SLC25A43: variants seen among roughly 807,000 people sequenced by gnomAD.
SLC25A43 encodes solute carrier family 25, member 43.
In SLC25A43, 10 loss-of-function variants were observed where a neutral mutation model predicts 22.8. That is an observed-to-expected ratio of 0.44 (90% CI 0.27 to 0.74). SLC25A43 has a LOEUF of 0.74. Among genes scored for constraint, SLC25A43 ranks in the 30% least tolerant of loss-of-function variants. The pLI, the probability that SLC25A43 is intolerant of heterozygous loss-of-function variation, is 0.17. For synonymous variants in SLC25A43, 106 were observed against 121.6 expected, an observed-to-expected ratio of 0.87 and a Z score of 0.84; for missense variants, 233 against 279.1, an observed-to-expected ratio of 0.83 and a Z score of 1.18.
At chrX:119,399,821 G>A in intron 1 of SLC25A43, 143 bp downstream of exon 1, 1 of 631,100 alleles carries the variant, frequency 1.6e-6, no homozygotes, top group South Asian at 6.3e-5. Flanking sequence ...GACCCCTCGG[G>A]GCGGTGGGCC....
chrX:119,415,624 G>T lies in SLC25A43; in HGVS notation c.690+5262G>T, dbSNP rs745681138. On this transcript the variant is annotated intron_variant, in intron 3 of 4. Coordinates refer to ENST00000217909, the MANE Select transcript of SLC25A43 (RefSeq NM_145305.3). ...GCAAGAGAATCACTTGAACTCAGGA[G>T]ATGGAGGTTGCAGTGAGCTGAGATC... 1.9e-3 allele frequency among the ~76,000 whole-genome samples: 203 copies of T among 108,207 alleles called. 1 individual carries two copies. The highest frequency in any genetic ancestry group is 6.6e-3 in the African/African-American group (197 of 29,698). The allele number at this position is 108,207 out of a possible 115,157, so 94.0% of individuals were successfully genotyped here.
At chrX:119,448,247 C>A in intron 3 of SLC25A43, among the ~76,000 whole-genome samples, 1 of 111,692 alleles carries the variant, frequency 9.0e-6, no homozygotes, top group African/African-American at 3.2e-5. Flanking sequence ...CTACCGTCAT[C>A]TCTTGCCTAA....
At chrX:119,406,195 T>C (rs1377220688) in intron 1 of SLC25A43, among the ~76,000 whole-genome samples, 2 of 112,502 alleles carry the variant, frequency 1.8e-5, no homozygotes, top group Non-Finnish European at 3.8e-5. Flanking sequence ...GACAATTATG[T>C]AGATAAAAGT....
At chrX:119,426,640 C>A (rs940047924) in intron 3 of SLC25A43, among the ~76,000 whole-genome samples, 3 of 110,412 alleles carry the variant, frequency 2.7e-5, no homozygotes, top group Non-Finnish European at 3.8e-5. Context: ...CTGGCCAACA[C>A]GACGAAACCC....
chrX:119,435,288 C>T (rs1350586767), intron 3 of SLC25A43, among the ~76,000 whole-genome samples: 14 of 110,353 alleles, frequency 1.3e-4, no homozygotes, highest in Non-Finnish European at 2.6e-4. Flanking sequence ...TGGTCGACTT[C>T]GCATTTGGCA....
rs201807022 is a variant in SLC25A43 at position 119,444,719 on chromosome X, AG to A, written c.691-7289del. ...ACTGTGTCTCAAAAAAAAAAAAAAA[AG>A]AAGAAATTGAAGCTCAGAGAAGTTA... On this transcript the variant is annotated intron_variant, in intron 3 of 4. Coordinates refer to ENST00000217909, the MANE Select transcript of SLC25A43 (RefSeq NM_145305.3). 4.7e-3 allele frequency among the ~76,000 whole-genome samples: 480 copies of A among 102,500 alleles called. 2 individuals carry two copies. The highest frequency in any genetic ancestry group is 7.2e-3 in the Non-Finnish European group (366 of 50,587). The allele number at this position is 102,500 out of a possible 115,157, so 89.0% of individuals were successfully genotyped here.
chrX:119,451,026 G>A (rs1055635911), intron 3 of SLC25A43, among the ~76,000 whole-genome samples: 1 of 110,739 alleles, frequency 9.0e-6, no homozygotes, highest in Non-Finnish European at 1.9e-5. Flanking sequence ...AGCCAGGTGT[G>A]GTGGTGTGCA....
chrX:119,449,230 A>G (rs745352443), intron 3 of SLC25A43, among the ~76,000 whole-genome samples: 2 of 109,151 alleles, frequency 1.8e-5, no homozygotes, highest in South Asian at 8.1e-4. Context: ...CCTGCCCAAC[A>G]CAGGGAAACC....
chrX:119,407,604 A>C (rs1000908746), intron 2 of SLC25A43, among the ~76,000 whole-genome samples: 1 of 111,142 alleles, frequency 9.0e-6, no homozygotes, highest in Non-Finnish European at 1.9e-5. Flanking sequence ...AGAAAGCAGG[A>C]GAAACTAGCA....
intron 3 of SLC25A43, among the ~76,000 whole-genome samples, chrX:119,447,303 T>C (rs1319939858): frequency 9.3e-6 from 1 of 107,991 alleles, no homozygotes; most frequent in African/African-American, 3.4e-5. Context: ...CACCATCCAA[T>C]AAACTTCTCT....
chrX:119,414,536 A>G (rs1355904667), intron 3 of SLC25A43, among the ~76,000 whole-genome samples: 1 of 109,058 alleles, frequency 9.2e-6, no homozygotes, highest in Non-Finnish European at 1.9e-5. Context: ...TAATTTTTGT[A>G]TTTTTGATAG....
chrX:119,424,886 G>A (rs750210291), intron 3 of SLC25A43, among the ~76,000 whole-genome samples: 4 of 112,003 alleles, frequency 3.6e-5, no homozygotes, highest in East Asian at 2.8e-4. Context: ...AAAAGGACCC[G>A]AATCCCATTC....
intron 3 of SLC25A43, among the ~76,000 whole-genome samples, chrX:119,448,408 A>C (rs1161941105): frequency 9.0e-6 from 1 of 111,454 alleles, no homozygotes; most frequent in African/African-American, 3.3e-5. Context: ...CAGTCTTCTC[A>C]GTAAAAGCCA....
chrX:119,430,400 G>T (rs903472747), intron 3 of SLC25A43, among the ~76,000 whole-genome samples: 4 of 112,417 alleles, frequency 3.6e-5, no homozygotes, highest in Non-Finnish European at 7.5e-5. Context: ...TTACAGATGA[G>T]GAAATTGAAG....
At chrX:119,403,988 G>C (rs1318276984) in intron 1 of SLC25A43, among the ~76,000 whole-genome samples, 5 of 90,451 alleles carry the variant, frequency 5.5e-5, no homozygotes, top group Non-Finnish European at 1.1e-4. Context: ...ACAAGTCCAG[G>C]CCTCCAGAAC....
intron 3 of SLC25A43, among the ~76,000 whole-genome samples, chrX:119,427,778 A>G (rs184855290): frequency 3.6e-3 from 401 of 112,113 alleles, no homozygotes; most frequent in Non-Finnish European, 6.5e-3. Context: ...TAACATGCAG[A>G]AGGTTCTGAG....
chrX:119,428,326 G>A (rs2052525777), intron 3 of SLC25A43, among the ~76,000 whole-genome samples: 1 of 111,028 alleles, frequency 9.0e-6, no homozygotes, highest in Admixed American at 9.7e-5. Flanking sequence ...GTGGTGGTGG[G>A]CACCTGTAAT....
At chrX:119,443,716 ATTATTTTTTAT>A (rs2052641925) in intron 3 of SLC25A43, among the ~76,000 whole-genome samples, 1 of 107,859 alleles carries the variant, frequency 9.3e-6, no homozygotes, top group African/African-American at 3.4e-5. Flanking sequence ...TTGATGGAGA[ATTATTTTTTAT>A]TTATTTATTT....
intron 3 of SLC25A43, among the ~76,000 whole-genome samples, chrX:119,418,522 C>T (rs1190318891): frequency 3.6e-5 from 4 of 112,101 alleles, no homozygotes; most frequent in Non-Finnish European, 7.5e-5. Flanking sequence ...TCTTAATATG[C>T]TTTTCTCTAG....
Sources: allele counts gnomAD v4.1 joint callset (sites outside exome capture counted in the v4.1 genomes callset), GRCh38; gene constraint gnomAD v4.1.1; transcripts MANE v1.5; gene names NCBI Gene and HGNC (gene_info 2026-07-23, HGNC 2026-07-21).